CEL: variants seen among roughly 807,000 people sequenced by gnomAD.
The protein encoded by CEL is bile salt-activated lipase.
A neutral mutation model predicts 57.1 loss-of-function variants in CEL; 39 were observed. The observed-to-expected ratio is 0.68, with a 90% CI of 0.53 to 0.89. The LOEUF is 0.89. Ranked by LOEUF, CEL falls within the 40% of genes least tolerant of loss-of-function variation. CEL has a pLI of 0.00. For missense variants in CEL, 698 were observed against 915.0 expected (o/e 0.76, Z 3.06); for synonymous variants, 314 against 396.6 (o/e 0.79, Z 2.48).
Position 133,066,967 on chromosome 9 carries a change from T to TGG in CEL, c.777+24_777+25dup. 2.2e-6 allele frequency: 1 copy of TGG among 464,390 alleles called. No individual in the cohort carries two copies. The highest frequency in any genetic ancestry group is 4.2e-6 in the Non-Finnish European group (1 of 240,340). The allele number at this position is 464,390 out of a possible 1,614,324, so 28.8% of individuals were successfully genotyped here. On this transcript the variant is annotated intron_variant, in intron 6 of 10. Transcript: ENST00000372080. This position sits in a 1 kb window ranked among gnomAD's most constrained non-coding sequence, Gnocchi z 4.3. ...AAAGGTAAACGGAGGAGGGCAGGGC[T>TGG]GGGCGGGGTGGGGGCTGTCCACATT...
chr9:133,069,058 AG>A lies in CEL; in HGVS notation c.1087del (p.Asp363ThrfsTer59). 6.4e-7 allele frequency: 1 copy of A among 1,568,156 alleles called. No individual in the cohort carries two copies. Among genetic ancestry groups the A allele is most frequent in the Non-Finnish European group, 8.7e-7 (1 of 1,146,540 alleles). On this transcript the variant is annotated frameshift_variant, in exon 9 of 11. Coordinates refer to ENST00000372080, the MANE Select transcript of CEL (RefSeq NM_001807.6). LOFTEE classifies it high-confidence loss of function. ...CAGTGCCTACTTGATTCCCCCAGGG[AG>A]GACTTCTACAAGCTGGTCAGTGAGT... is the stretch of plus-strand genomic sequence containing the variant. Reference protein sequence around the residue: ...INKGNKKVTEEDFYKLVSEFT... With the variant: ...INKGNKKVTEXDFYKLVSEFT...
chr9:133,070,912 G>T, intron 10 of CEL, 75 bp from the exon 11 acceptor site: 2 of 1,551,684 alleles, frequency 1.3e-6, no homozygotes, highest in Non-Finnish European at 1.8e-6. Context: ...GGATGGCTCA[G>T]GCGTGCAGGT....
chr9:133,064,618 TGCCAA>T lies in CEL; in HGVS notation c.218-21_218-17del. On this transcript the variant is annotated splice_polypyrimidine_tract_variant and intron_variant, in intron 2 of 10. Transcript: ENST00000372080. Reference sequence around the variant, plus strand: ...CGGGTGAGGGCGGCTGCCTTCCTCATGCCAACTCCTGCCACCTGCAGGGACCCTGA... The same window carrying T: ...CGGGTGAGGGCGGCTGCCTTCCTCATCTCCTGCCACCTGCAGGGACCCTGA... 6.2e-7 allele frequency: 1 copy of T among 1,613,694 alleles called. No homozygotes were observed. The highest frequency in any genetic ancestry group is 1.3e-5 in the African/African-American group (1 of 75,000).
intron 1 of CEL, among the ~76,000 whole-genome samples, chr9:133,063,941 G>A (rs1461554017): frequency 2.6e-5 from 4 of 152,194 alleles, no homozygotes; most frequent in Admixed American, 6.5e-5. Context: ...CAGAAAGGAG[G>A]AAGGTTGGTG....
intron 1 of CEL, among the ~76,000 whole-genome samples, chr9:133,063,976 A>G (rs1329721125): frequency 1.3e-5 from 2 of 152,230 alleles, no homozygotes; most frequent in Non-Finnish European, 2.9e-5. Context: ...TACACTGAGC[A>G]TTGGGTACAC....
Position 133,071,757 on chromosome 9 carries a change from G to C in CEL, c.2255G>C (p.Arg752Thr), listed in dbSNP as rs750593486. ...GAAGCTCAGATGCCTGCAGTCATTA[G>C]GTTTTAGCGTCCCATGAGCCTTGGT... Reference protein sequence around the residue: ...SKEAQMPAVIRF With the variant: ...SKEAQMPAVITF The change falls in exon 11 of 11, where the codon AGG (arginine) becomes ACG (threonine). Residue 752 changes from arginine (R) to threonine (T), a missense_variant. Physicochemically the swap from Arg to Thr is moderately conservative, Grantham distance 71. Around this residue, in one of 6 missense-constraint regions of CEL, gnomAD observed 238 missense variants for 213.7 expected, o/e 1.11. Transcript: ENST00000372080. 1.2e-6 allele frequency: 2 copies of C among 1,612,236 alleles called. No individual in the cohort carries two copies. Among genetic ancestry groups the C allele is most frequent in the Admixed American group, 3.3e-5 (2 of 59,996 alleles).
chr9:133,070,629 C>T lies in CEL; in HGVS notation c.1455C>T (p.Ile485=), dbSNP rs377553323. The change falls in exon 10 of 11, where the codon ATC becomes ATT. Residue 485 remains isoleucine, a synonymous_variant. Coordinates refer to ENST00000372080, the MANE Select transcript of CEL (RefSeq NM_001807.6). Reference sequence around the variant, plus strand: ...ACAGGACAGTCTCTAAGGCCATGATCGCCTACTGGACCAACTTTGCCAAAA... The same window carrying T: ...ACAGGACAGTCTCTAAGGCCATGATTGCCTACTGGACCAACTTTGCCAAAA... The part of the protein sequence containing the change: ...PQDRTVSKAM[I]AYWTNFAKTG... The T allele has an allele frequency of 6.3e-5, 101 of 1,614,188 alleles. No homozygotes were observed. Among genetic ancestry groups the T allele is most frequent in the South Asian group, 1.1e-4 (10 of 91,074 alleles).
chr9:133,064,686 C>T lies in CEL; in HGVS notation c.264C>T (p.Thr88=), dbSNP rs781342539. 5.0e-6 allele frequency: 8 copies of T among 1,614,028 alleles called. 1 individual carries two copies. In the South Asian group the frequency reaches 8.8e-5, roughly 18 times the overall value. The change falls in exon 3 of 11, where the codon ACC becomes ACT. Residue 88 remains threonine (T), a synonymous_variant. Transcript: ENST00000372080. The part of the protein sequence containing the change: ...KNFKKRCLQA[T]ITQDSTYGDE... ...TCAAGAAGAGATGCCTGCAGGCCAC[C>T]ATCACCCAGGACAGCACCTACGGGG...
rs1330860455 is a variant in CEL, at chr9:133,071,201, GA to G, written c.1700del (p.Glu567GlyfsTer137). On this transcript the variant is annotated frameshift_variant, in exon 11 of 11. Transcript: ENST00000372080. LOFTEE classifies it high-confidence loss of function. The part of the protein sequence containing the change: ...ATPVPPTGDS[E>X]ATPVPPTGDS... ...CCCTGTGCCCCCCACAGGGGACTCC[GA>G]GGCCACTCCCGTGCCCCCCACGGGT... is the stretch of plus-strand genomic sequence containing the variant. 1.4e-5 allele frequency: 22 copies of G among 1,602,884 alleles called. No individual in the cohort carries two copies. Among genetic ancestry groups the G allele is most frequent in the Non-Finnish European group, 1.8e-5 (21 of 1,178,142 alleles).
At chr9:133,063,950 T>C (rs1317484860) in intron 1 of CEL, among the ~76,000 whole-genome samples, 1 of 152,006 alleles carries the variant, frequency 6.6e-6, no homozygotes, top group African/African-American at 2.4e-5. Flanking sequence ...GGAAGGTTGG[T>C]GTGAAACATC....
At chr9:133,070,110 C>A (rs1228213592) in intron 9 of CEL, among the ~76,000 whole-genome samples, 2 of 151,136 alleles carry the variant, frequency 1.3e-5, no homozygotes, top group Non-Finnish European at 3.0e-5. Context: ...AGCCTCCTTT[C>A]AGTCAAGGCA....
intron 1 of CEL, 145 bp from the exon 2 acceptor site, chr9:133,064,259 G>C (rs1475197054): frequency 5.9e-6 from 6 of 1,015,140 alleles, no homozygotes; most frequent in Non-Finnish European, 7.4e-6. Flanking sequence ...AGGGCAGGGG[G>C]TGCTGCCTGG....
rs557843485 is a variant in CEL at position 133,066,355 on chromosome 9, C to T, written c.539-175C>T. Among the ~76,000 whole-genome samples, 67 of 152,224 alleles carry T rather than the reference C, an allele frequency of 4.4e-4. No individual in the cohort carries two copies. Among genetic ancestry groups the T allele is most frequent in the African/African-American group, 1.6e-3 (65 of 41,502 alleles). On this transcript the variant is annotated intron_variant, in intron 4 of 10. Coordinates refer to ENST00000372080, the MANE Select transcript of CEL (RefSeq NM_001807.6). This position sits in a 1 kb window ranked among gnomAD's most constrained non-coding sequence, Gnocchi z 4.3. Reference sequence around the variant, plus strand: ...GACCTAGTCTCCTGGGGACCCACCCCCTCCAGCACCCTACCCGACCCAGCT... The same window carrying T: ...GACCTAGTCTCCTGGGGACCCACCCTCTCCAGCACCCTACCCGACCCAGCT...
At position 133,071,788 on chromosome 9, in the gene CEL, G is replaced by T; in HGVS notation, c.*24G>T. 1 of 1,606,730 alleles carries T rather than the reference G, an allele frequency of 6.2e-7. No homozygotes were observed. Among genetic ancestry groups the T allele is most frequent in the African/African-American group, 1.3e-5 (1 of 74,874 alleles). On this transcript the variant is annotated 3_prime_UTR_variant, in exon 11 of 11. Coordinates refer to ENST00000372080, the MANE Select transcript of CEL (RefSeq NM_001807.6). ...AGCGTCCCATGAGCCTTGGTATCAA[G>T]AGGCCACAAGAGTGGGACCCCAGGG...
rs1158556832 is a variant in CEL at position 133,071,504 on chromosome 9, C to G, written c.2002C>G (p.Pro668Ala). ...PVPPTGDSGA[P>A]PVPPTGDAGP... ...GCCGCCCACGGGTGACTCCGGCGCC[C>G]CCCCCGTGCCGCCCACGGGTGACGC... The change falls in exon 11 of 11, where the codon CCC becomes GCC. Residue 668 changes from proline (P) to alanine (A), a missense_variant. Pro to Ala is a conservative substitution (Grantham distance 27, BLOSUM62 -1). Transcript: ENST00000372080. 1 of 702,612 alleles carries G rather than the reference C, an allele frequency of 1.4e-6. No homozygotes were observed. The highest frequency in any genetic ancestry group is 1.9e-6 in the Non-Finnish European group (1 of 513,954). The allele number at this position is 702,612 out of a possible 1,614,324, so 43.5% of individuals were successfully genotyped here. A position where few individuals can be genotyped will look rare whatever the true frequency, so the allele number is the denominator to read the frequency against.
At chr9:133,065,730 C>A (rs1394050652) in intron 4 of CEL, among the ~76,000 whole-genome samples, 1 of 151,778 alleles carries the variant, frequency 6.6e-6, no homozygotes, top group East Asian at 1.9e-4. Context: ...CCTGTAATCC[C>A]AGCTACTCGG....
intron 1 of CEL, 137 bp from the exon 2 acceptor site, chr9:133,064,267 T>G: frequency 8.8e-7 from 1 of 1,132,230 alleles, no homozygotes; most frequent in Admixed American, 2.0e-5. Flanking sequence ...GGGTGCTGCC[T>G]GGGTCTCCTG....
intron 2 of CEL, 26 bp downstream of exon 2, chr9:133,064,580 C>A (rs1157979233): frequency 5.6e-6 from 9 of 1,614,028 alleles, no homozygotes; most frequent in African/African-American, 1.3e-5. Flanking sequence ...GCCGGACTGG[C>A]CCTGCGGCGG....
intron 7 of CEL, among the ~76,000 whole-genome samples, chr9:133,067,978 C>T (rs915953): frequency 6.6e-6 from 1 of 152,226 alleles, no homozygotes. Context: ...TACCAGCTTG[C>T]TACGCTAAGG....
Sources: allele counts gnomAD v4.1 joint callset (sites outside exome capture counted in the v4.1 genomes callset), GRCh38; gene constraint gnomAD v4.1.1; regional missense constraint gnomAD v4.1.1; non-coding constraint Gnocchi (gnomAD v3.1); transcripts MANE v1.5; gene names NCBI Gene and HGNC (gene_info 2026-07-23, HGNC 2026-07-21).